Variants in ADGRG6 observed in about 807,000 individuals in gnomAD.
ADGRG6 encodes G-protein coupled receptor 126.
A neutral mutation model predicts 142.4 loss-of-function variants in ADGRG6; 84 were observed. The ratio of observed to expected loss-of-function variants is 0.59; its 90% CI spans 0.49 to 0.71. ADGRG6 has a LOEUF of 0.71. Ranked by LOEUF, ADGRG6 falls within the 30% of genes least tolerant of loss-of-function variation. ADGRG6 has a pLI of 0.00. For missense variants in ADGRG6, 1,367 were observed against 1,466.6 expected (o/e 0.93, Z 1.11); for synonymous variants, 521 against 520.5 (o/e 1.00, Z -0.01).
intron 2 of ADGRG6, among the ~76,000 whole-genome samples, chr6:142,327,101 T>A (rs1416754560): frequency 6.6e-5 from 10 of 152,108 alleles, no homozygotes; most frequent in African/African-American, 2.4e-4. Context: ...TTTGGGTGTG[T>A]ATGCTTTATT....
chr6:142,361,477 C>T (rs1283437013), intron 2 of ADGRG6, among the ~76,000 whole-genome samples: 1 of 151,962 alleles, frequency 6.6e-6, no homozygotes, highest in Non-Finnish European at 1.5e-5. Flanking sequence ...GCTGAGAGGG[C>T]AGGAAGGAAA....
chr6:142,405,770 A>G lies in ADGRG6; in HGVS notation c.2210A>G (p.Asp737Gly), dbSNP rs1482680511. 5 of 1,607,562 alleles carry G rather than the reference A, an allele frequency of 3.1e-6. No homozygotes were observed. The highest frequency in any genetic ancestry group is 4.3e-6 in the Non-Finnish European group (5 of 1,175,084). ...TTACTTGAGAATTTAAGTCCAGAAG[A>G]TTCTGTATTAGTTAGAAGAGCACAG... Reference protein sequence around the residue: ...PNLLENLSPEDSVLVRRAQFT... With the variant: ...PNLLENLSPEGSVLVRRAQFT... The change falls in exon 15 of 25, where the codon GAT (aspartate) becomes GGT (glycine). Residue 737 changes from aspartate (D) to glycine (G), a missense_variant. Physicochemically the swap from Asp to Gly is moderately conservative, Grantham distance 94. Around this residue, in one of 3 missense-constraint regions of ADGRG6, gnomAD observed 286 missense variants for 371.4 expected, o/e 0.77. Coordinates refer to ENST00000367609, the MANE Select transcript of ADGRG6 (RefSeq NM_198569.3).
intron 2 of ADGRG6, among the ~76,000 whole-genome samples, chr6:142,323,533 A>C (rs895918732): frequency 1.3e-5 from 2 of 152,138 alleles, no homozygotes; most frequent in African/African-American, 4.8e-5. Flanking sequence ...CACATATATG[A>C]CAGTGGTCTC....
intron 2 of ADGRG6, among the ~76,000 whole-genome samples, chr6:142,354,332 G>A (rs984146175): frequency 2.0e-4 from 31 of 152,266 alleles, no homozygotes; most frequent in African/African-American, 7.5e-4. Context: ...GCAGTGAACT[G>A]AGATCGTGCC....
chr6:142,375,374 ACACT>A (rs1265065020), intron 4 of ADGRG6, among the ~76,000 whole-genome samples: 1 of 152,182 alleles, frequency 6.6e-6, no homozygotes, highest in Non-Finnish European at 1.5e-5. Flanking sequence ...TTGACGTTAA[ACACT>A]CACATTCCAG....
At position 142,302,297 on chromosome 6, in the gene ADGRG6, G is replaced by A. The variant is rs780589029; in HGVS notation, c.-33G>A. ...GGAAAGTGGTGGAGGATGATCTTGC[G>A]GCCAAAGGGGACCTCGGCGCAGTAA... On this transcript the variant is annotated 5_prime_UTR_variant, in exon 1 of 25. Coordinates refer to ENST00000367609, the MANE Select transcript of ADGRG6 (RefSeq NM_198569.3). The A allele has an allele frequency of 3.7e-6, 6 of 1,611,476 alleles. No individual in the cohort carries two copies. Among genetic ancestry groups the A allele is most frequent in the Non-Finnish European group, 5.1e-6 (6 of 1,178,642 alleles).
intron 5 of ADGRG6, among the ~76,000 whole-genome samples, chr6:142,382,449 A>AC (rs1781816038): frequency 1.3e-5 from 2 of 152,208 alleles, no homozygotes; most frequent in African/African-American, 2.4e-5. Flanking sequence ...GCCATGAGGC[A>AC]ATTTATGATG....
rs1279958922 is a variant in ADGRG6 at position 142,423,114 on chromosome 6, T to A, written c.3319+3010T>A. On this transcript the variant is annotated intron_variant, in intron 22 of 24. Coordinates refer to ENST00000367609, the MANE Select transcript of ADGRG6 (RefSeq NM_198569.3). ...CGAAAATTTTCTCCCATTTTGTAGG[T>A]TGCCTGTTCACTCTGATGGTAGTTT... is the stretch of plus-strand genomic sequence containing the variant. Among the ~76,000 whole-genome samples, 13 of 145,214 alleles carry A rather than the reference T, an allele frequency of 9.0e-5. No individual in the cohort carries two copies. The East Asian group carries it at 2.7e-3, about 30-fold the overall frequency.
chr6:142,393,616 A>C (rs909440049), intron 8 of ADGRG6, among the ~76,000 whole-genome samples: 3 of 152,190 alleles, frequency 2.0e-5, no homozygotes, highest in Non-Finnish European at 4.4e-5. Flanking sequence ...TCAAATTGTC[A>C]TATAAGTTCA....
chr6:142,443,249 A>T, intron 24 of ADGRG6, 88 bp from the exon 25 acceptor site: 1 of 718,110 alleles, frequency 1.4e-6, no homozygotes. Flanking sequence ...GTTCTTCTTT[A>T]ATGTGCAAAA....
chr6:142,420,344 G>A (rs886195101), intron 22 of ADGRG6, among the ~76,000 whole-genome samples: 1 of 152,140 alleles, frequency 6.6e-6, no homozygotes, highest in African/African-American at 2.4e-5. Flanking sequence ...GTACCTGGCA[G>A]ATAGTAGGTA....
At chr6:142,372,397 C>A (rs1036325666) in intron 4 of ADGRG6, among the ~76,000 whole-genome samples, 2 of 152,184 alleles carry the variant, frequency 1.3e-5, no homozygotes, top group African/African-American at 4.8e-5. Context: ...TTTATTCCCA[C>A]GCTTTGAGCA....
At chr6:142,340,655 G>A (rs1285826824) in intron 2 of ADGRG6, among the ~76,000 whole-genome samples, 1 of 152,076 alleles carries the variant, frequency 6.6e-6, no homozygotes, top group Non-Finnish European at 1.5e-5. Flanking sequence ...CTTTTCTGAA[G>A]TCCTTTGAAT....
chr6:142,305,501 G>A (rs1777452693), intron 1 of ADGRG6, among the ~76,000 whole-genome samples: 2 of 147,762 alleles, frequency 1.4e-5, no homozygotes, highest in African/African-American at 5.1e-5. Context: ...AGAACAAGTT[G>A]TATGCATAAG....
chr6:142,371,085 TA>T (rs1781229340), intron 4 of ADGRG6: 1 of 326,668 alleles, frequency 3.1e-6, no homozygotes, highest in African/African-American at 2.1e-5. Context: ...ATCACGAATA[TA>T]ACAATAGTTA....
intron 2 of ADGRG6, among the ~76,000 whole-genome samples, chr6:142,347,607 G>T (rs1014589311): frequency 6.6e-6 from 1 of 152,036 alleles, no homozygotes; most frequent in African/African-American, 2.4e-5. Context: ...TTTGTAGTTG[G>T]CCCAGTACAG....
intron 9 of ADGRG6, among the ~76,000 whole-genome samples, chr6:142,396,371 T>C (rs1412219426): frequency 6.6e-6 from 1 of 152,194 alleles, no homozygotes; most frequent in East Asian, 1.9e-4. Context: ...TAGATCATTT[T>C]AGAGAGAGCT....
At chr6:142,418,953 C>A (rs1297276433) in intron 21 of ADGRG6, among the ~76,000 whole-genome samples, 1 of 151,964 alleles carries the variant, frequency 6.6e-6, no homozygotes, top group African/African-American at 2.4e-5. Flanking sequence ...ATCTACTATC[C>A]AATATATATA....
In ADGRG6 at chr6:142,400,590, G is replaced by C; in HGVS notation, c.1673G>C (p.Arg558Pro). 1 of 1,532,216 alleles carries C rather than the reference G, an allele frequency of 6.5e-7. No homozygotes were observed. The highest frequency in any genetic ancestry group is 9.0e-7 in the Non-Finnish European group (1 of 1,106,712). The allele number at this position is 1,532,216 out of a possible 1,614,324, so 94.9% of individuals were successfully genotyped here. Residue 558 changes from arginine to proline, a missense_variant, in exon 11 of 25, where the codon CGG (arginine) becomes CCG (proline). Transcript: ENST00000367609. The stretch of plus-strand genomic sequence containing the variant: ...GACAAGCCTGGCTTTTCTGCTTCTC[G>C]GATATGGTAATATTTTCACTGACTC... Reference protein sequence around the residue: ...CPDKPGFSASRICFYNATNPL... With the variant: ...CPDKPGFSASPICFYNATNPL...
Sources: allele counts gnomAD v4.1 joint callset (sites outside exome capture counted in the v4.1 genomes callset), GRCh38; gene constraint gnomAD v4.1.1; regional missense constraint gnomAD v4.1.1; transcripts MANE v1.5; gene names NCBI Gene and HGNC (gene_info 2026-07-23, HGNC 2026-07-21).